The following PARD3 variants were observed in gnomAD, a reference collection of about 807,000 sequenced individuals.
The protein encoded by PARD3 is partitioning defective 3 homolog.
In PARD3, 75 loss-of-function variants were observed where a neutral mutation model predicts 155.4. The observed-to-expected ratio is 0.48, with a 90% CI of 0.40 to 0.58. The LOEUF (loss-of-function observed/expected upper bound fraction) is 0.58. Ranked by LOEUF, PARD3 falls within the 20% of genes least tolerant of loss-of-function variation. The probability of loss-of-function intolerance (pLI) is 0.00; values close to 1 mark genes in which losing one functional copy is unlikely to be tolerated. For missense variants in PARD3, 1,642 were observed against 1,721.7 expected (o/e 0.95, Z 0.82); for synonymous variants, 576 against 610.5 (o/e 0.94, Z 0.83).
Position 34,388,469 on chromosome 10 carries a change from G to A in PARD3, c.891-4215C>T, listed in dbSNP as rs551537830. ...ACACTTTCCTGAAAAATGTGTGCTC[G>A]CGAGCAGATACATTTCCATAGCCCT... On this transcript the variant is annotated intron_variant, in intron 7 of 24. Transcript: ENST00000374788. 3.3e-5 allele frequency among the ~76,000 whole-genome samples: 5 copies of A among 152,208 alleles called. 1 individual carries two copies. In the South Asian group the frequency reaches 6.2e-4, roughly 19 times the overall value.
At chr10:34,552,675 T>C (rs974443648) in intron 2 of PARD3, among the ~76,000 whole-genome samples, 4 of 151,278 alleles carry the variant, frequency 2.6e-5, no homozygotes, top group East Asian at 1.9e-4. Flanking sequence ...GGCCTCACCA[T>C]TGCACTCCAG....
chr10:34,666,206 C>A (rs1290114664), intron 2 of PARD3, among the ~76,000 whole-genome samples: 7 of 125,228 alleles, frequency 5.6e-5, no homozygotes, highest in Non-Finnish European at 9.8e-5. Flanking sequence ...GATGACAGAG[C>A]AAGATCTTAT....
rs12570746 is a variant in PARD3, at chr10:34,648,676, G to A, written c.222+47642C>T. On this transcript the variant is annotated intron_variant, in intron 2 of 24. Transcript: ENST00000374788. ...CTCAGTCAGTAATGCTCCCTCCCCTGCTGCTCACCTCCTGCTGTGCAGCCT... is the reference window on the plus strand; with the variant it reads ...CTCAGTCAGTAATGCTCCCTCCCCTACTGCTCACCTCCTGCTGTGCAGCCT... Among the ~76,000 whole-genome samples the A allele has an allele frequency of 2.8e-3, 426 of 152,304 alleles. 8 individuals carry two copies. In the East Asian group the frequency reaches 0.073, roughly 26 times the overall value.
intron 2 of PARD3, among the ~76,000 whole-genome samples, chr10:34,600,944 T>C (rs1050600164): frequency 3.4e-5 from 5 of 149,146 alleles, no homozygotes; most frequent in African/African-American, 1.2e-4. Context: ...CGTGCCACCA[T>C]GCCCGCCCAT....
At chr10:34,357,412 T>C (rs1838999949) in intron 14 of PARD3, among the ~76,000 whole-genome samples, 1 of 152,192 alleles carries the variant, frequency 6.6e-6, no homozygotes, top group African/African-American at 2.4e-5. Context: ...CATAAGATGC[T>C]CAATAAATAT....
chr10:34,573,052 A>T (rs530003829), intron 2 of PARD3, among the ~76,000 whole-genome samples: 39 of 152,216 alleles, frequency 2.6e-4, no homozygotes, highest in Non-Finnish European at 4.9e-4. Flanking sequence ...TCTGTACTTA[A>T]TATCAAGAAT....
intron 5 of PARD3, among the ~76,000 whole-genome samples, chr10:34,426,291 T>C (rs1564699785): frequency 6.6e-6 from 1 of 152,210 alleles, no homozygotes; most frequent in Non-Finnish European, 1.5e-5. Flanking sequence ...CAAACCTTGG[T>C]ACATGGTGAA....
At chr10:34,313,352 A>C (rs1355264139) in intron 20 of PARD3, among the ~76,000 whole-genome samples, 1 of 152,262 alleles carries the variant, frequency 6.6e-6, no homozygotes, top group African/African-American at 2.4e-5. Context: ...CCTTGTGTGC[A>C]AAAGATGTAG....
intron 19 of PARD3, among the ~76,000 whole-genome samples, chr10:34,320,684 T>A (rs985652451): frequency 6.6e-6 from 1 of 152,222 alleles, no homozygotes; most frequent in Non-Finnish European, 1.5e-5. Context: ...CTAAAGTATG[T>A]GAAATAAAGT....
At chr10:34,355,958 C>CAAAAAAAAAGAAAAAAAAAAA (rs1491326864) in intron 14 of PARD3, among the ~76,000 whole-genome samples, 1 of 116,198 alleles carries the variant, frequency 8.6e-6, no homozygotes. Context: ...AAAACAAAAC[C>CAAAAAAAAAGAAAAAAAAAAA]AAACAAAAAA....
intron 22 of PARD3, among the ~76,000 whole-genome samples, chr10:34,226,291 T>C (rs1296743944): frequency 2.0e-5 from 3 of 152,264 alleles, no homozygotes; most frequent in African/African-American, 7.2e-5. Context: ...GGCTAATGCC[T>C]GTAATCCCAA....
intron 2 of PARD3, among the ~76,000 whole-genome samples, chr10:34,614,295 A>G (rs1261988447): frequency 1.3e-5 from 2 of 152,228 alleles, no homozygotes; most frequent in Non-Finnish European, 2.9e-5. Flanking sequence ...GGCGCTAAAA[A>G]AACAGCTAAC....
chr10:34,272,557 C>T (rs1279156019), intron 21 of PARD3, among the ~76,000 whole-genome samples: 1 of 152,072 alleles, frequency 6.6e-6, no homozygotes, highest in African/African-American at 2.4e-5. Flanking sequence ...CAGTAAAACC[C>T]TGTCTCTACA....
intron 5 of PARD3, among the ~76,000 whole-genome samples, chr10:34,447,519 A>AGGG (rs1163735324): frequency 3.0e-5 from 4 of 134,622 alleles, no homozygotes; most frequent in Admixed American, 7.6e-5. Context: ...AAAAAAAAAA[A>AGGG]GGGCCAGTTG....
chr10:34,711,726 A>G (rs992518730), intron 1 of PARD3, among the ~76,000 whole-genome samples: 10 of 152,116 alleles, frequency 6.6e-5, no homozygotes, highest in African/African-American at 1.7e-4. Context: ...GGGTATAGGA[A>G]AGAACTTACA....
At chr10:34,435,412 T>G in intron 5 of PARD3, among the ~76,000 whole-genome samples, 1 of 152,104 alleles carries the variant, frequency 6.6e-6, no homozygotes, top group East Asian at 1.9e-4. Flanking sequence ...TTTAAGCCAA[T>G]AAATGATGGA....
At chr10:34,664,051 G>A (rs117372552) in intron 2 of PARD3, 1,625 of 152,366 alleles carry the variant, frequency 0.011, 15 homozygotes, top group Non-Finnish European at 0.017. Context: ...AGCAGCACAG[G>A]GAGTGTGTCC....
intron 2 of PARD3, among the ~76,000 whole-genome samples, chr10:34,585,168 T>C (rs1361046302): frequency 6.6e-6 from 1 of 152,166 alleles, no homozygotes; most frequent in Non-Finnish European, 1.5e-5. Flanking sequence ...TCTTGGACAG[T>C]TTATTACACA....
chr10:34,601,062 C>T (rs1445654028), intron 2 of PARD3, among the ~76,000 whole-genome samples: 2 of 138,052 alleles, frequency 1.4e-5, no homozygotes, highest in African/African-American at 2.7e-5. Context: ...CCTCCTGCAT[C>T]GGTCTCCCAA....
Sources: allele counts gnomAD v4.1 joint callset (sites outside exome capture counted in the v4.1 genomes callset), GRCh38; gene constraint gnomAD v4.1.1; transcripts MANE v1.5; gene names NCBI Gene and HGNC (gene_info 2026-07-23, HGNC 2026-07-21).